The following KCNH2 variants were observed in gnomAD, a reference collection of about 807,000 sequenced individuals.
KCNH2 encodes voltage-gated inwardly rectifying potassium channel KCNH2.
A neutral mutation model predicts 95.9 loss-of-function variants in KCNH2; 35 were observed. That is an observed-to-expected ratio of 0.37 (90% CI 0.28 to 0.48). The LOEUF is 0.48. KCNH2 is among the 20% of genes least tolerant of loss of function. The pLI is 0.99. For missense variants in KCNH2, 1,274 were observed against 1,702.9 expected (o/e 0.75, Z 4.43); for synonymous variants, 786 against 754.7 (o/e 1.04, Z -0.68).
rs115600441 is a variant in KCNH2 at position 150,946,660 on chromosome 7, G to A, written c.3330+217C>T. Among the ~76,000 whole-genome samples, 281 of 152,290 alleles carry A rather than the reference G, an allele frequency of 1.8e-3. 2 individuals carry two copies. The highest frequency in any genetic ancestry group is 6.4e-3 in the African/African-American group (266 of 41,564). On this transcript the variant is annotated intron_variant, in intron 14 of 14. Transcript: ENST00000262186. The surrounding 1 kb of genome is among the most constrained non-coding windows in gnomAD (Gnocchi z 6.5). ...GCCTACAGGTTCCCTGCACCCAGCTGTCTAGGGGCTTTGGACGGGGGACTC... is the reference window on the plus strand; with the variant it reads ...GCCTACAGGTTCCCTGCACCCAGCTATCTAGGGGCTTTGGACGGGGGACTC...
chr7:150,952,810 T>C lies in KCNH2; in HGVS notation c.1172A>G (p.Gln391Arg). 6.2e-7 allele frequency: 1 copy of C among 1,614,036 alleles called. No individual in the cohort carries two copies. Among genetic ancestry groups the C allele is most frequent in the Non-Finnish European group, 8.5e-7 (1 of 1,179,994 alleles). The change falls in exon 6 of 15, where the codon CAG becomes CGG. Residue 391 changes from glutamine (Q) to arginine (R), a missense_variant. Physicochemically the swap from Gln to Arg is conservative, Grantham distance 43 (BLOSUM62 1). This residue lies in a region of KCNH2 where 392 missense variants were observed against 429.9 expected (regional missense o/e 0.91). Transcript: ENST00000262186. The surrounding 1 kb of genome is among the most constrained non-coding windows in gnomAD (Gnocchi z 7.3). ...GGTCCAGCGGTGGATGCGCGGTGCC[T>C]GCAGCTTGTACTCAGGCAGCACGTC... The part of the protein sequence containing the change: ...GADVLPEYKL[Q>R]APRIHRWTIL...
chr7:150,957,997 C>T (rs941627608), intron 4 of KCNH2, 62 bp downstream of exon 4: 2 of 1,239,632 alleles, frequency 1.6e-6, no homozygotes, highest in Non-Finnish European at 2.0e-6. Context: ...GCCCAGAATG[C>T]AGCAAGCCTG....
At chr7:150,957,625 G>C in intron 4 of KCNH2, 123 bp from the exon 5 acceptor site, 1 of 746,822 alleles carries the variant, frequency 1.3e-6, no homozygotes, top group Non-Finnish European at 2.4e-6. Flanking sequence ...CAGCTCAAGA[G>C]ACCAGGGGAG....
intron 2 of KCNH2, among the ~76,000 whole-genome samples, chr7:150,973,569 G>A (rs745788879): frequency 7.2e-5 from 11 of 152,208 alleles, no homozygotes; most frequent in Non-Finnish European, 1.3e-4. Context: ...TGCTGTGAGC[G>A]AACCTTCTTC....
intron 2 of KCNH2, among the ~76,000 whole-genome samples, chr7:150,968,226 C>T (rs926742724): frequency 1.1e-4 from 16 of 152,162 alleles, no homozygotes; most frequent in South Asian, 4.1e-4. Context: ...CCACATGTCC[C>T]GCGATCCAGC....
chr7:150,948,412 GCCCTCCCCCTTCCTC>G lies in KCNH2; in HGVS notation c.2692+17_2692+31del. ...CAGCTCCCAGCCTCACCTTGTCCCC[GCCCTCCCCCTTCCTC>G]CCCTCCCCCGCCTCACCCTTGTCCG... On this transcript the variant is annotated intron_variant, in intron 11 of 14. Transcript: ENST00000262186. 5.0e-6 allele frequency: 2 copies of G among 398,276 alleles called. No individual in the cohort carries two copies. Among genetic ancestry groups the G allele is most frequent in the Non-Finnish European group, 8.8e-6 (2 of 226,550 alleles). The allele number at this position is 398,276 out of a possible 1,614,324, so 24.7% of individuals were successfully genotyped here.
intron 9 of KCNH2, chr7:150,949,408 A>ATTTT (rs1035990140): frequency 7.2e-4 from 269 of 375,424 alleles, no homozygotes; most frequent in South Asian, 9.6e-4. Context: ...CAAAACCAGC[A>ATTTT]TTTTTTTTTT....
chr7:150,954,762 G>A (rs539459870), intron 5 of KCNH2, among the ~76,000 whole-genome samples: 5 of 152,180 alleles, frequency 3.3e-5, no homozygotes, highest in Admixed American at 6.5e-5. Flanking sequence ...CTCCACTGTC[G>A]GCCCAAGCCT....
At chr7:150,969,791 G>A (rs954898679) in intron 2 of KCNH2, among the ~76,000 whole-genome samples, 4 of 152,230 alleles carry the variant, frequency 2.6e-5, no homozygotes, top group African/African-American at 7.2e-5. Context: ...AGGAGGCGGA[G>A]GACCAAGGCT....
At chr7:150,955,330 T>C in intron 5 of KCNH2, 4 of 1,482,450 alleles carry the variant, frequency 2.7e-6, no homozygotes, top group Middle Eastern at 3.5e-4. Flanking sequence ...GTCAGAGCCC[T>C]TGGGCCAGCC....
Sources: gnomAD v4.1 joint callset for allele counts (sites outside exome capture counted in the v4.1 genomes callset) on GRCh38, gnomAD v4.1.1 for gene constraint, gnomAD v4.1.1 regional missense constraint, Gnocchi (gnomAD v3.1) non-coding constraint, MANE v1.5 for transcripts, NCBI Gene and HGNC (gene_info 2026-07-23, HGNC 2026-07-21) for gene names.